The following PID1 variants were observed in gnomAD, a reference collection of about 807,000 sequenced individuals.
The protein encoded by PID1 is phosphotyrosine interaction domain containing 1, also known as PTB-containing, cubilin and LRP1-interacting protein.
A neutral mutation model predicts 19.1 loss-of-function variants in PID1; 10 were observed. That is an observed-to-expected ratio of 0.52 (90% CI 0.32 to 0.89). The LOEUF (loss-of-function observed/expected upper bound fraction) is 0.89. Ranked by LOEUF, PID1 falls within the 40% of genes least tolerant of loss-of-function variation. The pLI, the probability that PID1 is intolerant of heterozygous loss-of-function variation, is 0.03. For synonymous variants in PID1, 130 were observed against 116.0 expected (o/e 1.12, Z -0.78); for missense variants, 248 against 285.3 (o/e 0.87, Z 0.94).
intron 2 of PID1, among the ~76,000 whole-genome samples, chr2:229,042,110 C>T (rs542326227): frequency 7.6e-4 from 116 of 152,070 alleles, no homozygotes; most frequent in Middle Eastern, 3.4e-3. Flanking sequence ...CTCTGAAGTA[C>T]GGAGACATCA....
At position 229,084,946 on chromosome 2, in the gene PID1, C is replaced by T. The variant is rs1459936232; in HGVS notation, c.178-58838G>A. Among the ~76,000 whole-genome samples the T allele has an allele frequency of 1.4e-5, 2 of 143,402 alleles. 1 individual carries two copies. The highest frequency in any genetic ancestry group is 1.4e-4 in the Admixed American group (2 of 14,044). 94.1% of individuals were successfully genotyped at this position (143,402 alleles called of 152,430 possible). A position where few individuals can be genotyped will look rare whatever the true frequency, so the allele number is the denominator to read the frequency against. ...GTAGTTCAAAGGAGATAGTTCATTT[C>T]AGTAGAAAATCGAGTCACCTCTTTT... On this transcript the variant is annotated intron_variant, in intron 2 of 2. Coordinates refer to ENST00000392055, the MANE Select transcript of PID1 (RefSeq NM_001100818.2).
At chr2:229,229,476 AT>A (rs5839315) in intron 1 of PID1, among the ~76,000 whole-genome samples, 79,895 of 151,412 alleles carry the variant, frequency 0.53, 21,774 homozygotes, top group African/African-American at 0.62. Context: ...CTACAAAAAA[AT>A]ATATGAAAAA....
intron 2 of PID1, among the ~76,000 whole-genome samples, chr2:229,033,308 C>T (rs1376903886): frequency 6.6e-6 from 1 of 152,212 alleles, no homozygotes; most frequent in East Asian, 1.9e-4. Flanking sequence ...ATGAGCCCAG[C>T]TTCACAAGCT....
Position 229,135,405 on chromosome 2 carries a change from T to C in PID1, c.177+20413A>G, listed in dbSNP as rs190316429. ...AAAGCCAAACTCATGAGGCCATAAA[T>C]TGCATAATTCCATATGTATGACATA... On this transcript the variant is annotated intron_variant, in intron 2 of 2. Coordinates refer to ENST00000392055, the MANE Select transcript of PID1 (RefSeq NM_001100818.2). Among the ~76,000 whole-genome samples the C allele has an allele frequency of 2.3e-4, 35 of 152,314 alleles. No homozygotes were observed. In the East Asian group the frequency reaches 6.6e-3, roughly 29 times the overall value.
At chr2:229,043,324 A>G (rs1693810983) in intron 2 of PID1, among the ~76,000 whole-genome samples, 1 of 151,982 alleles carries the variant, frequency 6.6e-6, no homozygotes, top group South Asian at 2.1e-4. Flanking sequence ...TCTTTTTAAG[A>G]AGGGAGAATG....
chr2:229,218,645 A>G (rs545219196), intron 1 of PID1, among the ~76,000 whole-genome samples: 2 of 152,320 alleles, frequency 1.3e-5, no homozygotes, highest in African/African-American at 4.8e-5. Context: ...GAGAAAGTGC[A>G]TGAGCTCAGT....
At chr2:229,117,729 C>T (rs911948772) in intron 2 of PID1, among the ~76,000 whole-genome samples, 2 of 152,108 alleles carry the variant, frequency 1.3e-5, no homozygotes, top group African/African-American at 4.8e-5. Flanking sequence ...TGACAAGATC[C>T]TTGCTGCCTC....
chr2:229,113,644 A>G (rs1695349605), intron 2 of PID1, among the ~76,000 whole-genome samples: 1 of 150,934 alleles, frequency 6.6e-6, no homozygotes, highest in Non-Finnish European at 1.5e-5. Context: ...ACAGATGGGA[A>G]GACTGAGGCA....
chr2:229,115,340 T>C (rs1695388640), intron 2 of PID1, among the ~76,000 whole-genome samples: 1 of 130,216 alleles, frequency 7.7e-6, no homozygotes, highest in African/African-American at 2.9e-5. Context: ...ACCCTGTCAC[T>C]ACAAAAAATT....
chr2:229,268,263 C>T (rs1211623396), intron 1 of PID1, among the ~76,000 whole-genome samples: 1 of 152,152 alleles, frequency 6.6e-6, no homozygotes, highest in Admixed American at 6.5e-5. Context: ...TGTGGGGACA[C>T]AGAAGTGTGG....
intron 1 of PID1, chr2:229,231,794 G>A: frequency 7.1e-7 from 1 of 1,411,196 alleles, no homozygotes; most frequent in South Asian, 1.4e-5. Flanking sequence ...GTCCAGATGT[G>A]TGATGGCATT....
At chr2:229,232,072 A>T (rs1321187782) in intron 1 of PID1, 9 of 1,522,054 alleles carry the variant, frequency 5.9e-6, no homozygotes, top group Non-Finnish European at 7.9e-6. Flanking sequence ...AGCCTCTTGT[A>T]CAAGGCTTTT....
chr2:229,157,639 G>C (rs907432222), intron 1 of PID1, among the ~76,000 whole-genome samples: 1 of 152,114 alleles, frequency 6.6e-6, no homozygotes, highest in Non-Finnish European at 1.5e-5. Context: ...TTTAGCAAGA[G>C]TCAAAGTGAG....
At chr2:229,178,777 C>T (rs924820407) in intron 1 of PID1, among the ~76,000 whole-genome samples, 15 of 152,076 alleles carry the variant, frequency 9.9e-5, no homozygotes, top group Non-Finnish European at 2.2e-4. Context: ...ACTACACATC[C>T]TCTGACATTT....
intron 2 of PID1, among the ~76,000 whole-genome samples, chr2:229,133,770 C>CT (rs1008654020): frequency 2.0e-4 from 29 of 148,562 alleles, no homozygotes; most frequent in Admixed American, 7.4e-4. Context: ...CTGGACAATT[C>CT]TTTTTTTTTT....
At chr2:229,198,040 C>T (rs1691413288) in intron 1 of PID1, among the ~76,000 whole-genome samples, 1 of 151,990 alleles carries the variant, frequency 6.6e-6, no homozygotes, top group African/African-American at 2.4e-5. Flanking sequence ...CAACTAATTA[C>T]AAAACCGCTG....
chr2:229,080,230 C>T (rs898477587), intron 2 of PID1, among the ~76,000 whole-genome samples: 2 of 152,192 alleles, frequency 1.3e-5, no homozygotes, highest in Non-Finnish European at 2.9e-5. Flanking sequence ...CTCATGGCTG[C>T]TCACTGTCTT....
chr2:229,113,599 T>TGTGTGTGC (rs1695348226), intron 2 of PID1, among the ~76,000 whole-genome samples: 1 of 143,934 alleles, frequency 6.9e-6, no homozygotes, highest in South Asian at 2.2e-4. Flanking sequence ...TGCATATATG[T>TGTGTGTGC]GTGTGTGTGT....
Position 229,024,355 on chromosome 2 carries a change from T to C in PID1, c.*1277A>G, listed in dbSNP as rs1023482153. The C allele has an allele frequency of 1.3e-5, 2 of 152,458 alleles. No homozygotes were observed. Among genetic ancestry groups the C allele is most frequent in the Non-Finnish European group, 2.9e-5 (2 of 68,038 alleles). 9.4% of individuals were successfully genotyped at this position (152,458 alleles called of 1,614,324 possible). A position where few individuals can be genotyped will look rare whatever the true frequency, so the allele number is the denominator to read the frequency against. On this transcript the variant is annotated 3_prime_UTR_variant, in exon 3 of 3. Transcript: ENST00000392055. ...GTAGTCATCTGCTCTTGTCCTCCAATGTGTGTATTTTAACAAATACAATTT... is the reference window on the plus strand; with the variant it reads ...GTAGTCATCTGCTCTTGTCCTCCAACGTGTGTATTTTAACAAATACAATTT...
Sources: allele counts gnomAD v4.1 joint callset (sites outside exome capture counted in the v4.1 genomes callset), GRCh38; gene constraint gnomAD v4.1.1; transcripts MANE v1.5; gene names NCBI Gene and HGNC (gene_info 2026-07-23, HGNC 2026-07-21).